SCNN1B: variants seen among roughly 807,000 people sequenced by gnomAD.
The protein encoded by SCNN1B is epithelial sodium channel subunit beta.
In SCNN1B, 46 loss-of-function variants were observed where a neutral mutation model predicts 65.3. The observed-to-expected ratio is 0.70, with a 90% CI of 0.56 to 0.90. The LOEUF (loss-of-function observed/expected upper bound fraction) is 0.90. Among genes scored for constraint, SCNN1B ranks in the 40% least tolerant of loss-of-function variants. SCNN1B has a pLI of 0.00. For missense variants in SCNN1B, 751 were observed against 830.5 expected (o/e 0.90, Z 1.18); for synonymous variants, 349 against 330.6 (o/e 1.06, Z -0.60).
intron 1 of SCNN1B, among the ~76,000 whole-genome samples, chr16:23,278,692 T>C (rs2141965324): frequency 6.8e-6 from 1 of 146,704 alleles, no homozygotes; most frequent in East Asian, 2.1e-4. Flanking sequence ...TTGTTCACTT[T>C]AAAATGGTTA....
At chr16:23,289,500 G>A (rs1282398604) in intron 2 of SCNN1B, among the ~76,000 whole-genome samples, 2 of 151,770 alleles carry the variant, frequency 1.3e-5, no homozygotes, top group African/African-American at 4.8e-5. Context: ...GCACTGAGCT[G>A]TGGTCACATC....
At chr16:23,343,647 GAAAA>G (rs1217318770) in intron 1 of SCNN1B, among the ~76,000 whole-genome samples, 2,486 of 108,974 alleles carry the variant, frequency 0.023, 38 homozygotes, top group Middle Eastern at 0.034. Context: ...AAGAAAGAAA[GAAAA>G]AAAGAAAGGA....
chr16:23,292,196 ATT>A (rs59582200), intron 2 of SCNN1B, among the ~76,000 whole-genome samples: 27 of 133,264 alleles, frequency 2.0e-4, no homozygotes, highest in South Asian at 1.2e-3. Context: ...TTCTTTCTTT[ATT>A]TTTTTTTTTT....
chr16:23,358,630 G>A (rs1962467380), intron 4 of SCNN1B: 2 of 152,154 alleles, frequency 1.3e-5, no homozygotes, highest in Admixed American at 6.5e-5. Context: ...TTTTAGGCTG[G>A]GCTCAGTGGC....
intron 2 of SCNN1B, among the ~76,000 whole-genome samples, chr16:23,292,750 C>T (rs1484362687): frequency 1.3e-5 from 2 of 151,774 alleles, no homozygotes; most frequent in Non-Finnish European, 2.9e-5. Flanking sequence ...GTGATCCGCC[C>T]ACCTCGGCCT....
intron 7 of SCNN1B, among the ~76,000 whole-genome samples, chr16:23,373,802 A>T (rs1408134368): frequency 6.6e-6 from 1 of 152,076 alleles, no homozygotes; most frequent in Non-Finnish European, 1.5e-5. Context: ...CATTATGGAG[A>T]ACTCTAGCCG....
At chr16:23,365,552 G>A (rs166102) in intron 4 of SCNN1B, among the ~76,000 whole-genome samples, 39,955 of 111,072 alleles carry the variant, frequency 0.36, 6,880 homozygotes, top group African/African-American at 0.55. Flanking sequence ...AGAGAAAGAA[G>A]GAAAGAGAAA....
chr16:23,286,468 A>C (rs531940769), intron 2 of SCNN1B, among the ~76,000 whole-genome samples: 38 of 152,392 alleles, frequency 2.5e-4, no homozygotes, highest in African/African-American at 8.4e-4. Context: ...CCATGAATCA[A>C]TCTTAGCTTC....
At chr16:23,376,519 GA>G (rs1962899647) in intron 8 of SCNN1B, among the ~76,000 whole-genome samples, 1 of 152,068 alleles carries the variant, frequency 6.6e-6, no homozygotes, top group Non-Finnish European at 1.5e-5. Flanking sequence ...CCAAGGACTC[GA>G]AACCTGGAGT....
At chr16:23,377,460 A>G in intron 10 of SCNN1B, 74 bp downstream of exon 10, 11 of 1,427,304 alleles carry the variant, frequency 7.7e-6, no homozygotes, top group Non-Finnish European at 1.1e-5. Context: ...GATGTGGGCT[A>G]TTTGGAAATT....
intron 4 of SCNN1B, among the ~76,000 whole-genome samples, chr16:23,365,545 G>GAAA: frequency 2.9e-5 from 3 of 103,372 alleles, no homozygotes; most frequent in Non-Finnish European, 5.4e-5. Flanking sequence ...GAAGGAAAGA[G>GAAA]AAAGAAGGAA....
intron 4 of SCNN1B, among the ~76,000 whole-genome samples, chr16:23,362,081 A>G (rs1313746603): frequency 6.6e-6 from 1 of 151,972 alleles, no homozygotes; most frequent in Non-Finnish European, 1.5e-5. Context: ...ATGGTGGCTT[A>G]TGTATGTAAT....
chr16:23,365,376 G>T (rs1962627413), intron 4 of SCNN1B, among the ~76,000 whole-genome samples: 1 of 142,514 alleles, frequency 7.0e-6, no homozygotes, highest in African/African-American at 2.6e-5. Context: ...AGAAAGGGAA[G>T]AAGGGAGGAA....
intron 1 of SCNN1B, among the ~76,000 whole-genome samples, chr16:23,340,958 T>C (rs1295740722): frequency 1.3e-5 from 2 of 152,166 alleles, no homozygotes; most frequent in African/African-American, 4.8e-5. Context: ...GTTTTGTTTT[T>C]GCTGTTTTAG....
chr16:23,288,231 A>G (rs912421670), intron 2 of SCNN1B, among the ~76,000 whole-genome samples: 6 of 152,144 alleles, frequency 3.9e-5, no homozygotes, highest in African/African-American at 1.2e-4. Flanking sequence ...ATATCTATAA[A>G]AGAAAACTGC....
chr16:23,319,624 T>C (rs1249275773), intron 1 of SCNN1B, among the ~76,000 whole-genome samples: 1 of 152,228 alleles, frequency 6.6e-6, no homozygotes. Flanking sequence ...CAGCATTGAG[T>C]GGCCACAACA....
chr16:23,343,646 AG>A (rs1962124168), intron 1 of SCNN1B, among the ~76,000 whole-genome samples: 1 of 129,884 alleles, frequency 7.7e-6, no homozygotes, highest in African/African-American at 3.1e-5. Flanking sequence ...AAAGAAAGAA[AG>A]AAAAAAAGAA....
intron 2 of SCNN1B, among the ~76,000 whole-genome samples, chr16:23,352,524 C>A (rs1263149731): frequency 6.6e-6 from 1 of 152,180 alleles, no homozygotes; most frequent in East Asian, 1.9e-4. Flanking sequence ...GGCAGTCTCC[C>A]CTGTGCACTC....
intron 10 of SCNN1B, among the ~76,000 whole-genome samples, chr16:23,378,076 A>G (rs1962951773): frequency 6.6e-6 from 1 of 152,104 alleles, no homozygotes; most frequent in Non-Finnish European, 1.5e-5. Flanking sequence ...TGGTACGATC[A>G]CAGCTCACTG....
Sources: gnomAD v4.1 joint callset for allele counts (sites outside exome capture counted in the v4.1 genomes callset) on GRCh38, gnomAD v4.1.1 for gene constraint, MANE v1.5 for transcripts, NCBI Gene and HGNC (gene_info 2026-07-23, HGNC 2026-07-21) for gene names.